Variants in LMX1B observed in about 807,000 individuals in gnomAD.
The protein encoded by LMX1B is LIM homeobox transcription factor 1 beta.
Under a neutral mutation model 51.4 loss-of-function variants are expected in LMX1B, and 12 were observed. The observed-to-expected ratio is 0.23, with a 90% CI of 0.15 to 0.38. The LOEUF is 0.38. Ranked by LOEUF, LMX1B falls within the 10% of genes least tolerant of loss-of-function variation. The pLI is 1.00. For synonymous variants in LMX1B, 237 were observed against 235.4 expected, an observed-to-expected ratio of 1.01 and a Z score of -0.06; for missense variants, 445 against 571.1, an observed-to-expected ratio of 0.78 and a Z score of 2.25.
At chr9:126,681,550 C>T (rs559227358) in intron 2 of LMX1B, among the ~76,000 whole-genome samples, 8 of 150,624 alleles carry the variant, frequency 5.3e-5, no homozygotes, top group African/African-American at 1.9e-4. Flanking sequence ...AAAGCCACTC[C>T]CTGCTCCTCC....
chr9:126,653,029 CA>C (rs1470492648), intron 2 of LMX1B, among the ~76,000 whole-genome samples: 5 of 151,796 alleles, frequency 3.3e-5, no homozygotes, highest in Non-Finnish European at 7.4e-5. Context: ...AAGATAGGAA[CA>C]GAGCGGTGCC....
At chr9:126,678,124 A>G (rs1836600829) in intron 2 of LMX1B, among the ~76,000 whole-genome samples, 1 of 152,062 alleles carries the variant, frequency 6.6e-6, no homozygotes, top group Non-Finnish European at 1.5e-5. Flanking sequence ...CAGCCTGGCC[A>G]ACATGGTGAA....
intron 2 of LMX1B, among the ~76,000 whole-genome samples, chr9:126,631,470 TG>T (rs1307959935): frequency 6.6e-6 from 1 of 151,686 alleles, no homozygotes; most frequent in Admixed American, 6.6e-5. Flanking sequence ...GGAGTCCAGC[TG>T]GGGGCCTTTT....
rs1802527275 is a variant in LMX1B at position 126,671,845 on chromosome 9, C to T, written c.327-18991C>T. On this transcript the variant is annotated intron_variant, in intron 2 of 7. Coordinates refer to ENST00000373474, the MANE Select transcript of LMX1B (RefSeq NM_001174147.2). This position sits in a 1 kb window ranked among gnomAD's most constrained non-coding sequence, Gnocchi z 4.4. Reference sequence around the variant, plus strand: ...CAGGCCCCCAGCGGCCCAGAGGCCACTTGGCCAGGCCTCCACTCCCCTCCC... The same window carrying T: ...CAGGCCCCCAGCGGCCCAGAGGCCATTTGGCCAGGCCTCCACTCCCCTCCC... Among the ~76,000 whole-genome samples, 1 of 152,230 alleles carries T rather than the reference C, an allele frequency of 6.6e-6. No homozygotes were observed. The highest frequency in any genetic ancestry group is 2.1e-4 in the South Asian group (1 of 4,834).
At chr9:126,621,654 T>C (rs10987374) in intron 2 of LMX1B, among the ~76,000 whole-genome samples, 5 of 38,982 alleles carry the variant, frequency 1.3e-4, no homozygotes, top group African/African-American at 1.8e-4. Flanking sequence ...CTCTCTCTCT[T>C]CTTTTTTTTT....
In LMX1B at chr9:126,691,004, C is replaced by G; in HGVS notation, c.495C>G (p.Cys165Trp). 3 of 1,614,084 alleles carry G rather than the reference C, an allele frequency of 1.9e-6. No homozygotes were observed. The highest frequency in any genetic ancestry group is 2.5e-6 in the Non-Finnish European group (3 of 1,179,986). Residue 165 changes from cysteine to tryptophan, a missense_variant, in exon 3 of 8, where the codon TGC (cysteine) becomes TGG (tryptophan). By Grantham distance (215) the Cys-to-Trp change is radical (BLOSUM62 -2). Around this residue, in one of 3 missense-constraint regions of LMX1B, gnomAD observed 273 missense variants for 343.3 expected, o/e 0.80. Coordinates refer to ENST00000373474, the MANE Select transcript of LMX1B (RefSeq NM_001174147.2). Reference protein sequence around the residue: ...EFVLKEGQLLCKGDYEKEKDL... With the variant: ...EFVLKEGQLLWKGDYEKEKDL... ...TGCTCAAGGAGGGCCAGCTGCTGTG[C>G]AAGGGTGACTACGAGAAGGAGAAGG...
At chr9:126,616,913 G>C (rs921097892) in intron 2 of LMX1B, among the ~76,000 whole-genome samples, 3 of 152,322 alleles carry the variant, frequency 2.0e-5, no homozygotes, top group Middle Eastern at 3.4e-3. Flanking sequence ...TCTTTCTTCC[G>C]GCTGAGGGAT....
intron 2 of LMX1B, among the ~76,000 whole-genome samples, chr9:126,656,438 G>A (rs1051744451): frequency 6.8e-6 from 1 of 147,592 alleles, no homozygotes; most frequent in Non-Finnish European, 1.5e-5. Flanking sequence ...TAGATAGATA[G>A]GATAGATAGA....
intron 2 of LMX1B, among the ~76,000 whole-genome samples, chr9:126,657,322 C>A (rs1294034545): frequency 2.0e-5 from 3 of 152,154 alleles, no homozygotes; most frequent in Non-Finnish European, 4.4e-5. Flanking sequence ...AAAATGCTGG[C>A]AAGTATCTTT....
intron 2 of LMX1B, among the ~76,000 whole-genome samples, chr9:126,682,283 T>C (rs527484222): frequency 1.6e-4 from 25 of 151,860 alleles, no homozygotes; most frequent in African/African-American, 5.8e-4. Context: ...TCCCCCGATA[T>C]TGTAGATACC....
At chr9:126,683,410 C>G (rs1836713927) in intron 2 of LMX1B, among the ~76,000 whole-genome samples, 1 of 152,192 alleles carries the variant, frequency 6.6e-6, no homozygotes, top group African/African-American at 2.4e-5. Context: ...CAGCTACGCC[C>G]GGAATGATAA....
chr9:126,647,275 G>T (rs1835919971), intron 2 of LMX1B, among the ~76,000 whole-genome samples: 1 of 151,970 alleles, frequency 6.6e-6, no homozygotes, highest in African/African-American at 2.4e-5. Flanking sequence ...AGAAATGAAA[G>T]ATCCTTCCCC....
At chr9:126,693,708 G>T in intron 5 of LMX1B, 38 bp from the exon 6 acceptor site, 1 of 1,574,838 alleles carries the variant, frequency 6.3e-7, no homozygotes. Flanking sequence ...GCCTGGGGGC[G>T]AGGGGCAGCA....
At chr9:126,628,413 AAAG>A (rs1487782295) in intron 2 of LMX1B, among the ~76,000 whole-genome samples, 1 of 152,162 alleles carries the variant, frequency 6.6e-6, no homozygotes, top group African/African-American at 2.4e-5. Flanking sequence ...CTGGGGGAAA[AAAG>A]AGTTTGATAT....
At chr9:126,656,705 G>A (rs2118912758) in intron 2 of LMX1B, among the ~76,000 whole-genome samples, 1 of 152,346 alleles carries the variant, frequency 6.6e-6, no homozygotes, top group Non-Finnish European at 1.5e-5. Flanking sequence ...GTCTAAAACA[G>A]TTGACTGCAA....
At chr9:126,689,617 G>T (rs780636501) in intron 2 of LMX1B, among the ~76,000 whole-genome samples, 2 of 152,186 alleles carry the variant, frequency 1.3e-5, no homozygotes, top group Non-Finnish European at 2.9e-5. Flanking sequence ...CGGGAGGAGC[G>T]GTCAGCAGAC....
intron 2 of LMX1B, among the ~76,000 whole-genome samples, chr9:126,688,354 T>C (rs1249592728): frequency 5.9e-5 from 9 of 152,194 alleles, no homozygotes; most frequent in Admixed American, 5.9e-4. Context: ...AGGTTTCCTC[T>C]CCGGGAGTCA....
rs972901754 is a variant in LMX1B at position 126,641,938 on chromosome 9, C to T, written c.326+26369C>T. Among the ~76,000 whole-genome samples, 1 of 152,190 alleles carries T rather than the reference C, an allele frequency of 6.6e-6. No homozygotes were observed. The highest frequency in any genetic ancestry group is 1.5e-5 in the Non-Finnish European group (1 of 68,036). On this transcript the variant is annotated intron_variant, in intron 2 of 7. Coordinates refer to ENST00000373474, the MANE Select transcript of LMX1B (RefSeq NM_001174147.2). This position sits in a 1 kb window ranked among gnomAD's most constrained non-coding sequence, Gnocchi z 4.1. ...CTGTGAGATAGGGACCAGCTTATCC[C>T]CATTTTACAGATGACGCAACAGCCT...
intron 2 of LMX1B, among the ~76,000 whole-genome samples, chr9:126,688,151 C>T (rs923812905): frequency 6.6e-6 from 1 of 152,182 alleles, no homozygotes; most frequent in African/African-American, 2.4e-5. Flanking sequence ...GAGTGGCTGG[C>T]GCTGCCTCTG....
Sources: gnomAD v4.1 joint callset for allele counts (sites outside exome capture counted in the v4.1 genomes callset) on GRCh38, gnomAD v4.1.1 for gene constraint, gnomAD v4.1.1 regional missense constraint, Gnocchi (gnomAD v3.1) non-coding constraint, MANE v1.5 for transcripts, NCBI Gene and HGNC (gene_info 2026-07-23, HGNC 2026-07-21) for gene names.